The following ADAMTSL1 variants were observed in gnomAD, a reference collection of about 807,000 sequenced individuals.
The protein encoded by ADAMTSL1 is ADAMTS-like protein 1.
Under a neutral mutation model 201.8 loss-of-function variants are expected in ADAMTSL1, and 126 were observed. The ratio of observed to expected loss-of-function variants is 0.62; its 90% CI spans 0.54 to 0.72. The LOEUF is 0.72. Ranked by LOEUF, ADAMTSL1 falls within the 30% of genes least tolerant of loss-of-function variation. ADAMTSL1 has a pLI of 0.00. For synonymous variants in ADAMTSL1, 1,121 were observed against 903.4 expected, an observed-to-expected ratio of 1.24 and a Z score of -4.32; for missense variants, 2,679 against 2,277.8, an observed-to-expected ratio of 1.18 and a Z score of -3.59.
At chr9:17,945,529 C>T (rs1218052547) in intron 1 of ADAMTSL1, among the ~76,000 whole-genome samples, 21 of 151,952 alleles carry the variant, frequency 1.4e-4, no homozygotes, top group African/African-American at 2.2e-4. Flanking sequence ...ATGTTTATTG[C>T]GGCATTATTC....
intron 2 of ADAMTSL1, among the ~76,000 whole-genome samples, chr9:18,334,015 C>G (rs528695881): frequency 6.6e-5 from 10 of 152,216 alleles, no homozygotes; most frequent in African/African-American, 2.2e-4. Context: ...TGGAGATTTC[C>G]TAGGCATTAA....
At chr9:18,549,706 A>C (rs1035590291) in intron 3 of ADAMTSL1, among the ~76,000 whole-genome samples, 3 of 151,978 alleles carry the variant, frequency 2.0e-5, no homozygotes, top group African/African-American at 7.2e-5. Flanking sequence ...TGTGGGTTTA[A>C]ATGAGCTATG....
chr9:18,746,774 CAAAAA>C (rs35648138), intron 15 of ADAMTSL1, among the ~76,000 whole-genome samples: 5 of 120,642 alleles, frequency 4.1e-5, no homozygotes, highest in Non-Finnish European at 3.5e-5. Flanking sequence ...CAAAGGAAGG[CAAAAA>C]AAAAAAAAAA....
At chr9:18,182,818 C>T (rs1043371671) in intron 2 of ADAMTSL1, among the ~76,000 whole-genome samples, 2 of 152,130 alleles carry the variant, frequency 1.3e-5, no homozygotes, top group African/African-American at 4.8e-5. Context: ...GGTTACAGTT[C>T]GGGCAGCCTG....
At chr9:17,956,968 G>A (rs1827956462) in intron 1 of ADAMTSL1, among the ~76,000 whole-genome samples, 2 of 152,048 alleles carry the variant, frequency 1.3e-5, no homozygotes, top group Non-Finnish European at 2.9e-5. Context: ...CTACTTTGGT[G>A]CCTGTTAATT....
intron 2 of ADAMTSL1, among the ~76,000 whole-genome samples, chr9:18,383,941 C>T (rs1837673922): frequency 6.6e-6 from 1 of 152,090 alleles, no homozygotes; most frequent in Non-Finnish European, 1.5e-5. Context: ...GAATAGGCCC[C>T]AGATTCTGCA....
rs767406388 is a variant in ADAMTSL1, at chr9:18,224,927, CCCATTTTTTT to C, written c.207+60952_207+60961del. On this transcript the variant is annotated intron_variant, in intron 2 of 29. Transcript: ENST00000680146. ...CCACTCTTTGTTTTGTTAATTTTTT[CCCATTTTTTT>C]CCATTATAAATACCTCATTATCAGC... 8.5e-5 allele frequency among the ~76,000 whole-genome samples: 13 copies of C among 152,084 alleles called. No individual in the cohort carries two copies. In the South Asian group the frequency reaches 1.0e-3, roughly 12 times the overall value.
At chr9:18,410,075 T>C (rs1255892348) in intron 2 of ADAMTSL1, among the ~76,000 whole-genome samples, 1 of 152,018 alleles carries the variant, frequency 6.6e-6, no homozygotes, top group Non-Finnish European at 1.5e-5. Context: ...ATACCCTTTA[T>C]TACATTAAAC....
intron 1 of ADAMTSL1, among the ~76,000 whole-genome samples, chr9:18,004,504 G>A (rs1586882548): frequency 6.6e-6 from 1 of 152,042 alleles, no homozygotes; most frequent in Non-Finnish European, 1.5e-5. Context: ...ACATGCCAAG[G>A]GGAGAGTGGA....
In ADAMTSL1 at chr9:17,910,105, G is replaced by A. The variant is rs1825871874; in HGVS notation, c.87+3183G>A. Among the ~76,000 whole-genome samples the A allele has an allele frequency of 2.9e-5, 2 of 67,974 alleles. 1 individual carries two copies. Among genetic ancestry groups the A allele is most frequent in the African/African-American group, 5.9e-5 (2 of 33,920 alleles). The allele number at this position is 67,974 out of a possible 152,430, so 44.6% of individuals were successfully genotyped here. A position where few individuals can be genotyped will look rare whatever the true frequency, so the allele number is the denominator to read the frequency against. ...TCCAGTCCCGGCGCTGTCCCTAAGC[G>A]CGGTATCATTTTGGTCGAGGCCCTT... is the stretch of plus-strand genomic sequence containing the variant. On this transcript the variant is annotated intron_variant, in intron 1 of 29. Transcript: ENST00000680146.
intron 5 of ADAMTSL1, among the ~76,000 whole-genome samples, chr9:18,633,683 CT>C (rs1826926929): frequency 3.0e-5 from 4 of 135,284 alleles, no homozygotes. Context: ...TCCCCTTACA[CT>C]TTTTTCTGTT....
At chr9:18,707,341 A>G (rs542956543) in intron 14 of ADAMTSL1, among the ~76,000 whole-genome samples, 20 of 152,344 alleles carry the variant, frequency 1.3e-4, no homozygotes, top group African/African-American at 3.8e-4. Context: ...TGAGAAACAC[A>G]GTTGACACTG....
At chr9:18,865,351 C>G (rs1385716405) in intron 23 of ADAMTSL1, among the ~76,000 whole-genome samples, 2 of 152,266 alleles carry the variant, frequency 1.3e-5, no homozygotes, top group Admixed American at 1.3e-4. Context: ...TCATCCATGT[C>G]CCTACAAAGG....
At chr9:18,361,240 C>G (rs1836505535) in intron 2 of ADAMTSL1, among the ~76,000 whole-genome samples, 2 of 151,916 alleles carry the variant, frequency 1.3e-5, no homozygotes, top group Admixed American at 1.3e-4. Context: ...TTATAAGGAG[C>G]ATTAAAGTCA....
At chr9:18,717,888 G>A (rs991615870) in intron 14 of ADAMTSL1, 34 of 914,492 alleles carry the variant, frequency 3.7e-5, no homozygotes, top group Non-Finnish European at 6.0e-5. Flanking sequence ...GATGCTGGTA[G>A]GTTTAACAAA....
chr9:18,095,848 T>G (rs1259981911), intron 1 of ADAMTSL1, among the ~76,000 whole-genome samples: 1 of 152,206 alleles, frequency 6.6e-6, no homozygotes, highest in African/African-American at 2.4e-5. Context: ...AAATGGTATT[T>G]GAAGATCCAA....
chr9:18,206,248 C>T (rs1237647445), intron 2 of ADAMTSL1, among the ~76,000 whole-genome samples: 1 of 151,870 alleles, frequency 6.6e-6, no homozygotes, highest in Admixed American at 6.6e-5. Context: ...TGTGTGTGTC[C>T]TTGTTCCTTG....
chr9:18,020,816 A>G (rs1023143369), intron 1 of ADAMTSL1, among the ~76,000 whole-genome samples: 1 of 152,102 alleles, frequency 6.6e-6, no homozygotes, highest in African/African-American at 2.4e-5. Flanking sequence ...TTTGTTTGCT[A>G]TTTGATCAGC....
intron 20 of ADAMTSL1, among the ~76,000 whole-genome samples, chr9:18,802,287 A>G (rs1170274693): frequency 6.6e-6 from 1 of 152,082 alleles, no homozygotes; most frequent in Non-Finnish European, 1.5e-5. Flanking sequence ...CAAAAAAAAC[A>G]GGAGTTGTGC....
Sources: allele counts gnomAD v4.1 joint callset (sites outside exome capture counted in the v4.1 genomes callset), GRCh38; gene constraint gnomAD v4.1.1; transcripts MANE v1.5; gene names NCBI Gene and HGNC (gene_info 2026-07-23, HGNC 2026-07-21).